EIF5B: variants seen among roughly 807,000 people sequenced by gnomAD.
EIF5B encodes eIF-5B.
In EIF5B, 47 loss-of-function variants were observed where a neutral mutation model predicts 147.5. The ratio of observed to expected loss-of-function variants is 0.32; its 90% confidence interval spans 0.25 to 0.41. The LOEUF (loss-of-function observed/expected upper bound fraction) is 0.41, where lower values mean the gene tolerates loss of function less well. EIF5B is among the 10% of genes least tolerant of loss of function. The pLI, the probability that EIF5B is intolerant of heterozygous loss-of-function variation, is 1.00. For synonymous variants in EIF5B, 455 were observed against 456.2 expected (o/e 1.00, Z 0.03); for missense variants, 1,064 against 1,413.2 (o/e 0.75, Z 3.96).
chr2:99,385,198 C>T (rs1005758473), intron 14 of EIF5B, among the ~76,000 whole-genome samples: 3 of 152,132 alleles, frequency 2.0e-5, no homozygotes, highest in African/African-American at 7.2e-5. Flanking sequence ...AGGCATGCGC[C>T]ACCACTCCCA....
At chr2:99,341,282 CA>C (rs1053396523) in intron 1 of EIF5B, among the ~76,000 whole-genome samples, 1 of 152,070 alleles carries the variant, frequency 6.6e-6, no homozygotes, top group Non-Finnish European at 1.5e-5. Context: ...TAAATTACAT[CA>C]AAAAAAGATG....
chr2:99,365,045 G>A (rs1674299319), intron 6 of EIF5B, among the ~76,000 whole-genome samples: 1 of 152,132 alleles, frequency 6.6e-6, no homozygotes. Context: ...TTACTTTTTT[G>A]AAAGGTAAGG....
At chr2:99,372,796 G>C (rs549125454) in intron 9 of EIF5B, among the ~76,000 whole-genome samples, 1 of 152,320 alleles carries the variant, frequency 6.6e-6, no homozygotes, top group South Asian at 2.1e-4. Flanking sequence ...TGTTTGGAAA[G>C]AATTTATATT....
intron 1 of EIF5B, chr2:99,338,395 G>C: frequency 8.2e-7 from 1 of 1,218,786 alleles, no homozygotes; most frequent in African/African-American, 1.6e-5. Flanking sequence ...TGACTTCCTG[G>C]GAGTGAACAA....
chr2:99,398,031 C>G (rs1481024785), intron 22 of EIF5B: 4 of 151,908 alleles, frequency 2.6e-5, no homozygotes, highest in Non-Finnish European at 2.9e-5. Flanking sequence ...ATCCTTGACA[C>G]ACAGCAGTCT....
Position 99,338,280 on chromosome 2 carries a change from T to C in EIF5B, c.35+691T>C. ...TCCTTTCTAACCACCTGCAATGCTTTGGGGAGGGAGGATAAGGGTATATGC... is the reference window on the plus strand; with the variant it reads ...TCCTTTCTAACCACCTGCAATGCTTCGGGGAGGGAGGATAAGGGTATATGC... On this transcript the variant is annotated intron_variant, in intron 1 of 23. Transcript: ENST00000289371. 6 of 1,281,564 alleles carry C rather than the reference T, an allele frequency of 4.7e-6. No individual in the cohort carries two copies. In the South Asian group the frequency reaches 4.9e-5, roughly 11 times the overall value. 79.4% of individuals were successfully genotyped at this position (1,281,564 alleles called of 1,614,324 possible). A position where few individuals can be genotyped will look rare whatever the true frequency, so the allele number is the denominator to read the frequency against.
At position 99,376,425 on chromosome 2, in the gene EIF5B, A is replaced by T; in HGVS notation, c.1631A>T (p.Asp544Val). 5.7e-6 allele frequency: 9 copies of T among 1,576,542 alleles called. No homozygotes were observed. Among genetic ancestry groups the T allele is most frequent in the Non-Finnish European group, 7.8e-6 (9 of 1,148,274 alleles). ...GAGGAGGAAGAAGAGGAAGAAGAAGATGAAGAAAGTGAAGAAGAGGAGGAA... is the reference window on the plus strand; with the variant it reads ...GAGGAGGAAGAAGAGGAAGAAGAAGTTGAAGAAAGTGAAGAAGAGGAGGAA... The part of the protein sequence containing the change: ...EEEEEEEEEE[D>V]EESEEEEEEE... The change falls in exon 10 of 24, where the codon GAT becomes GTT. Residue 544 changes from aspartate (D) to valine (V), a missense_variant. Coordinates refer to ENST00000289371, the MANE Select transcript of EIF5B (RefSeq NM_015904.4).
In EIF5B at chr2:99,399,339, C is replaced by G; in HGVS notation, c.3588C>G (p.Asp1196Glu). Residue 1196 changes from aspartate (D) to glutamate (E), a missense_variant, in exon 24 of 24, where the codon GAC (aspartate) becomes GAG (glutamate). Physicochemically the swap from Asp to Glu is conservative, Grantham distance 45. Transcript: ENST00000289371. ...GGCAGTCCATTGATGCACTCAAAGA[C>G]TGGTTCAGAGATGAAATGCAGAAGA... ...ISRQSIDALK[D>E]WFRDEMQKSD... is the part of the protein sequence containing the mutation. The G allele has an allele frequency of 6.2e-7, 1 of 1,614,104 alleles. No individual in the cohort carries two copies. The highest frequency in any genetic ancestry group is 1.3e-5 in the African/African-American group (1 of 75,024).
At position 99,345,962 on chromosome 2, in the gene EIF5B, T is replaced by C. The variant is rs912183712; in HGVS notation, c.35+8373T>C. Among the ~76,000 whole-genome samples the C allele has an allele frequency of 2.8e-5, 4 of 142,952 alleles. No homozygotes were observed. In the East Asian group the frequency reaches 8.1e-4, roughly 29 times the overall value. The allele number at this position is 142,952 out of a possible 152,430, so 93.8% of individuals were successfully genotyped here. A position where few individuals can be genotyped will look rare whatever the true frequency, so the allele number is the denominator to read the frequency against. ...CTGTCTCAAAAAAAAAAAAAAAATGTGGTGAATTGGGAATACAAAAGGGAG... is the reference window on the plus strand; with the variant it reads ...CTGTCTCAAAAAAAAAAAAAAAATGCGGTGAATTGGGAATACAAAAGGGAG... On this transcript the variant is annotated intron_variant, in intron 1 of 23. Transcript: ENST00000289371.
rs764839261 is a variant in EIF5B, at chr2:99,361,219, G to C, written c.318G>C (p.Gln106His). The change falls in exon 4 of 24, where the codon CAG becomes CAC. Residue 106 changes from glutamine to histidine, a missense_variant. By Grantham distance (24) the Gln-to-His change is conservative (BLOSUM62 0). Coordinates refer to ENST00000289371, the MANE Select transcript of EIF5B (RefSeq NM_015904.4). Reference sequence around the variant, plus strand: ...AGAAAGGACAGAAGGGCAAAAAACAGAGTTTTGATGATAATGATAGCGAAG... The same window carrying C: ...AGAAAGGACAGAAGGGCAAAAAACACAGTTTTGATGATAATGATAGCGAAG... ...KKKKGQKGKK[Q>H]SFDDNDSEEL... 84 of 1,601,926 alleles carry C rather than the reference G, an allele frequency of 5.2e-5. No individual in the cohort carries two copies. Among genetic ancestry groups the C allele is most frequent in the Non-Finnish European group, 6.8e-5 (80 of 1,177,022 alleles).
chr2:99,350,791 C>T (rs773762240), intron 1 of EIF5B, among the ~76,000 whole-genome samples: 2 of 152,096 alleles, frequency 1.3e-5, no homozygotes, highest in African/African-American at 2.4e-5. Flanking sequence ...TCTTAAACAA[C>T]GTTATGAAGT....
rs1674397423 is a variant in EIF5B, at chr2:99,369,466, C to T, written c.1462C>T (p.Pro488Ser). 1.9e-6 allele frequency: 3 copies of T among 1,609,756 alleles called. No homozygotes were observed. Among genetic ancestry groups the T allele is most frequent in the Non-Finnish European group, 2.5e-6 (3 of 1,177,086 alleles). Reference protein sequence around the residue: ...QGVPEKEETPPPVEPEEEEDT... With the variant: ...QGVPEKEETPSPVEPEEEEDT... ...AGTACCAGAAAAGGAAGAGACACCA[C>T]CTCCTGTTGAACCAGGCGGGTAGTG... is the stretch of plus-strand genomic sequence containing the variant. Residue 488 changes from proline to serine, a missense_variant, in exon 8 of 24, where the codon CCT (proline) becomes TCT (serine). This residue lies in a region of EIF5B where 195 missense variants were observed against 186.3 expected (regional missense o/e 1.05). Transcript: ENST00000289371.
chr2:99,374,158 G>T (rs1000484693), intron 9 of EIF5B, among the ~76,000 whole-genome samples: 1 of 151,860 alleles, frequency 6.6e-6, no homozygotes, highest in Non-Finnish European at 1.5e-5. Context: ...GCGTGGTGGC[G>T]TGCGCCTGTA....
intron 14 of EIF5B, among the ~76,000 whole-genome samples, 160 bp downstream of exon 14, chr2:99,383,081 GT>G (rs577750889): frequency 0.015 from 2,145 of 145,914 alleles, 22 homozygotes; most frequent in Middle Eastern, 0.054. Flanking sequence ...TTTGTGTATA[GT>G]TTTTTTTTTT....
intron 1 of EIF5B, among the ~76,000 whole-genome samples, chr2:99,346,373 T>C (rs2094273394): frequency 6.6e-6 from 1 of 152,194 alleles, no homozygotes; most frequent in African/African-American, 2.4e-5. Flanking sequence ...AGAGTGGTTG[T>C]CTACATAAAA....
intron 1 of EIF5B, among the ~76,000 whole-genome samples, chr2:99,343,160 T>C (rs890654911): frequency 1.3e-5 from 2 of 151,894 alleles, no homozygotes; most frequent in African/African-American, 4.8e-5. Context: ...TTCACCATGT[T>C]GGCCAGGCTG....
chr2:99,359,680 C>G lies in EIF5B; in HGVS notation c.36-556C>G, dbSNP rs1674166383. ...TAAGTATTTTATTTAGTGAATCATTCCTAATTCATTTAGATTTGAATGTGT... is the reference window on the plus strand; with the variant it reads ...TAAGTATTTTATTTAGTGAATCATTGCTAATTCATTTAGATTTGAATGTGT... On this transcript the variant is annotated intron_variant, in intron 1 of 23. Coordinates refer to ENST00000289371, the MANE Select transcript of EIF5B (RefSeq NM_015904.4). Among the ~76,000 whole-genome samples the G allele has an allele frequency of 2.0e-5, 3 of 152,184 alleles. No individual in the cohort carries two copies. In the South Asian group the frequency reaches 6.2e-4, roughly 32 times the overall value.
intron 21 of EIF5B, among the ~76,000 whole-genome samples, chr2:99,396,382 G>A (rs1675048184): frequency 2.0e-5 from 3 of 152,288 alleles, no homozygotes; most frequent in South Asian, 2.1e-4. Context: ...TGTGCCTAAC[G>A]AAGACCTGCC....
At chr2:99,386,478 T>C (rs1490143934) in intron 14 of EIF5B, among the ~76,000 whole-genome samples, 11 of 54,584 alleles carry the variant, frequency 2.0e-4, no homozygotes, top group African/African-American at 7.4e-4. Flanking sequence ...CGTGTGTGTG[T>C]GTGTGTGTGT....
Sources: allele counts gnomAD v4.1 joint callset (sites outside exome capture counted in the v4.1 genomes callset), GRCh38; gene constraint gnomAD v4.1.1; regional missense constraint gnomAD v4.1.1; transcripts MANE v1.5; gene names NCBI Gene and HGNC (gene_info 2026-07-23, HGNC 2026-07-21).